Variants in PLK4 observed in about 807,000 individuals in gnomAD.
PLK4 encodes serine/threonine-protein kinase PLK4.
A neutral mutation model predicts 103.0 loss-of-function variants in PLK4; 51 were observed. The observed-to-expected ratio is 0.50, with a 90% CI of 0.40 to 0.63. PLK4 has a LOEUF of 0.63. Ranked by LOEUF, PLK4 falls within the 20% of genes least tolerant of loss-of-function variation. The pLI is 0.00. For missense variants in PLK4, 1,054 were observed against 1,151.0 expected (o/e 0.92, Z 1.22); for synonymous variants, 389 against 376.8 (o/e 1.03, Z -0.38).
intron 1 of PLK4, 151 bp downstream of exon 1, chr4:127,881,315 G>A (rs996151419): frequency 2.7e-6 from 4 of 1,495,834 alleles, no homozygotes; most frequent in African/African-American, 2.8e-5. Context: ...GACCCCTGCT[G>A]TTTAGGGGCG....
intron 14 of PLK4, among the ~76,000 whole-genome samples, chr4:127,896,197 T>C (rs979423155): frequency 6.6e-6 from 1 of 152,190 alleles, no homozygotes; most frequent in Non-Finnish European, 1.5e-5. Flanking sequence ...TGCTTCATAA[T>C]GGTAGATTAA....
intron 4 of PLK4, 44 bp from the exon 5 acceptor site, chr4:127,885,664 C>T (rs370705480): frequency 1.4e-6 from 2 of 1,453,250 alleles, no homozygotes; most frequent in Non-Finnish European, 1.9e-6. Context: ...CTGAATCTTC[C>T]AGAGTTTCTA....
intron 13 of PLK4, among the ~76,000 whole-genome samples, chr4:127,894,228 A>G (rs976994438): frequency 2.6e-5 from 4 of 151,884 alleles, no homozygotes; most frequent in African/African-American, 9.7e-5. Context: ...TAACATATAC[A>G]TATGTAGTTT....
intron 9 of PLK4, 69 bp downstream of exon 9, chr4:127,891,750 A>G: frequency 4.3e-6 from 2 of 467,488 alleles, no homozygotes; most frequent in African/African-American, 4.1e-5. Context: ...AACTCTATAT[A>G]TAGATATAAT....
chr4:127,886,271 A>G lies in PLK4; in HGVS notation c.901A>G (p.Ser301Gly). The change falls in exon 5 of 16, where the codon AGT (serine) becomes GGT (glycine). Residue 301 changes from serine (S) to glycine (G), a missense_variant. Transcript: ENST00000270861. The stretch of plus-strand genomic sequence containing the variant: ...TGCAATTACAGCTTCTTCCAGTACC[A>G]GTATAAGTGGTAGTTTATTTGACAA... ...STAITASSST[S>G]ISGSLFDKRR... is the part of the protein sequence containing the mutation. The G allele has an allele frequency of 6.2e-7, 1 of 1,613,906 alleles. No homozygotes were observed. Among genetic ancestry groups the G allele is most frequent in the Non-Finnish European group, 8.5e-7 (1 of 1,179,770 alleles).
At position 127,898,624 on chromosome 4, in the gene PLK4, TAA is replaced by T. The variant is rs1560704057; in HGVS notation, c.*85_*86del. The T allele has an allele frequency of 2.9e-6, 2 of 699,996 alleles. No homozygotes were observed. The highest frequency in any genetic ancestry group is 5.0e-6 in the Non-Finnish European group (2 of 402,438). 43.4% of individuals were successfully genotyped at this position (699,996 alleles called of 1,614,324 possible). A position where few individuals can be genotyped will look rare whatever the true frequency, so the allele number is the denominator to read the frequency against. Reference sequence around the variant, plus strand: ...TAAAGTGATTTTTTTTAATTTAACATAAAGTCTTCAGAAAGCCTTTCTATGAA... The same window carrying T: ...TAAAGTGATTTTTTTTAATTTAACATAGTCTTCAGAAAGCCTTTCTATGAA... On this transcript the variant is annotated 3_prime_UTR_variant, in exon 16 of 16. Transcript: ENST00000270861.
chr4:127,893,746 T>A lies in PLK4; in HGVS notation c.2427T>A (p.Ser809Arg). Residue 809 changes from serine (S) to arginine (R), a missense_variant, in exon 13 of 16, where the codon AGT becomes AGA. Transcript: ENST00000270861. ...TTTTCCCCTTCAGAAAACCTGGTAG[T>A]ACTAGTTCACCTAAGGCCTTATCAC... ...FPIIIGRKPG[S>R]TSSPKALSPP... 2 of 1,608,922 alleles carry A rather than the reference T, an allele frequency of 1.2e-6. No homozygotes were observed. The highest frequency in any genetic ancestry group is 1.7e-6 in the Non-Finnish European group (2 of 1,175,918).
At chr4:127,898,360 A>G (rs968083554) in intron 15 of PLK4, 79 bp from the exon 16 acceptor site, 9 of 703,462 alleles carry the variant, frequency 1.3e-5, no homozygotes, top group Non-Finnish European at 1.8e-5. Context: ...ACTGAAAAAT[A>G]TAATGTGCTT....
At chr4:127,886,944 C>T (rs1026700280) in intron 5 of PLK4, among the ~76,000 whole-genome samples, 11 of 152,148 alleles carry the variant, frequency 7.2e-5, no homozygotes, top group East Asian at 1.9e-4. Flanking sequence ...TTTTTAGCCT[C>T]ATTTTTTAAT....
Position 127,893,427 on chromosome 4 carries a change from C to T in PLK4, c.2322+9C>T, listed in dbSNP as rs768138815. On this transcript the variant is annotated intron_variant, in intron 11 of 15. Transcript: ENST00000270861. ...TGGACCATGCTAATGAGGTACATAC[C>T]TAATTGTAGGTTTTTCATACCAATT... 1.1e-5 allele frequency: 17 copies of T among 1,601,716 alleles called. No individual in the cohort carries two copies. In the South Asian group the frequency reaches 1.9e-4, roughly 18 times the overall value.
intron 5 of PLK4, 21 bp from the exon 6 acceptor site, chr4:127,887,374 AT>A: frequency 8.4e-6 from 12 of 1,421,186 alleles, no homozygotes; most frequent in Non-Finnish European, 1.2e-5. Flanking sequence ...AGTTTATGGG[AT>A]TTTTTTGTTT....
chr4:127,887,766 T>C (rs1329835141), intron 6 of PLK4, among the ~76,000 whole-genome samples: 1 of 150,894 alleles, frequency 6.6e-6, no homozygotes, highest in Non-Finnish European at 1.5e-5. Flanking sequence ...TCCCAGCTAC[T>C]TGAGAAGCTG....
chr4:127,886,679 A>G lies in PLK4; in HGVS notation c.1309A>G (p.Thr437Ala). ...CATTTTTAACTTCTTTAAAGAAAAG[A>G]CATCCAGTAGTTCTGGATCTTTTGA... is the stretch of plus-strand genomic sequence containing the variant. ...ANIFNFFKEK[T>A]SSSSGSFERP... The change falls in exon 5 of 16, where the codon ACA (threonine) becomes GCA (alanine). Residue 437 changes from threonine to alanine, a missense_variant. By Grantham distance (58) the Thr-to-Ala change is moderately conservative. Coordinates refer to ENST00000270861, the MANE Select transcript of PLK4 (RefSeq NM_014264.5). 1 of 1,612,742 alleles carries G rather than the reference A, an allele frequency of 6.2e-7. No individual in the cohort carries two copies. Among genetic ancestry groups the G allele is most frequent in the Non-Finnish European group, 8.5e-7 (1 of 1,179,216 alleles).
Position 127,886,392 on chromosome 4 carries a change from A to G in PLK4, c.1022A>G (p.Asn341Ser). Residue 341 changes from asparagine (N) to serine (S), a missense_variant, in exon 5 of 16, where the codon AAC becomes AGC. Coordinates refer to ENST00000270861, the MANE Select transcript of PLK4 (RefSeq NM_014264.5). ...STDFSSSGDG[N>S]SFYTQWGNQE... ...GATTTTTCTTCTTCAGGAGATGGAA[A>G]CAGTTTTTATACTCAGTGGGGAAAT... 6.2e-7 allele frequency: 1 copy of G among 1,613,940 alleles called. No homozygotes were observed. Among genetic ancestry groups the G allele is most frequent in the African/African-American group, 1.3e-5 (1 of 75,064 alleles).
At chr4:127,887,546 A>G in intron 6 of PLK4, 50 bp downstream of exon 6, 1 of 1,037,216 alleles carries the variant, frequency 9.6e-7, no homozygotes, top group Non-Finnish European at 1.5e-6. Flanking sequence ...TTGGAAACTT[A>G]CCAAGCATTG....
Position 127,884,356 on chromosome 4 carries a change from C to G in PLK4, c.337+803C>G, listed in dbSNP as rs187540796. On this transcript the variant is annotated intron_variant, in intron 4 of 15. Transcript: ENST00000270861. ...TATATAAGCCATTTGGAAAACAATT[C>G]GGACATATGTATTTAGAGTTACGGA... 8.6e-3 allele frequency among the ~76,000 whole-genome samples: 1,312 copies of G among 152,186 alleles called. 17 individuals are homozygous for G. The highest frequency in any genetic ancestry group is 0.068 in the Middle Eastern group (20 of 294).
At chr4:127,892,761 T>TG in intron 10 of PLK4, 2 of 334,736 alleles carry the variant, frequency 6.0e-6, no homozygotes, top group Non-Finnish European at 1.1e-5. Flanking sequence ...CCAGTTTAAC[T>TG]ACGTCTAGGC....
chr4:127,892,384 T>G lies in PLK4; in HGVS notation c.2058T>G (p.Tyr686Ter). Reference protein sequence around the residue: ...DNLPEKYWRKYQYASRFVQLV... With the variant: ...DNLPEKYWRK Reference sequence around the variant, plus strand: ...CCTTAGAAAAATACTGGCGAAAATATCAATATGCTTCCAGGTTTGTACAGC... The same window carrying G: ...CCTTAGAAAAATACTGGCGAAAATAGCAATATGCTTCCAGGTTTGTACAGC... The change falls in exon 10 of 16, where the codon TAT becomes TAG. Residue 686 changes from tyrosine to a stop codon, truncating the protein, a stop_gained. Coordinates refer to ENST00000270861, the MANE Select transcript of PLK4 (RefSeq NM_014264.5). LOFTEE classifies it high-confidence loss of function. 6.4e-7 allele frequency: 1 copy of G among 1,567,698 alleles called. No homozygotes were observed. The highest frequency in any genetic ancestry group is 8.6e-7 in the Non-Finnish European group (1 of 1,163,670).
intron 14 of PLK4, among the ~76,000 whole-genome samples, chr4:127,895,452 C>CTATTTTTTTTTTTTTTT (rs1735528087): frequency 1.5e-5 from 1 of 65,204 alleles, no homozygotes; most frequent in East Asian, 5.3e-4. Context: ...GAGTAACTTT[C>CTATTTTTTTTTTTTTTT]TTTTTTTTTT....
Sources: allele counts gnomAD v4.1 joint callset (sites outside exome capture counted in the v4.1 genomes callset), GRCh38; gene constraint gnomAD v4.1.1; transcripts MANE v1.5; gene names NCBI Gene and HGNC (gene_info 2026-07-23, HGNC 2026-07-21).